The following PRKAR1B variants were observed in gnomAD, a reference collection of about 807,000 sequenced individuals.
The protein encoded by PRKAR1B is cAMP-dependent protein kinase type I-beta regulatory subunit.
In PRKAR1B, 22 loss-of-function variants were observed where a neutral mutation model predicts 46.5. The ratio of observed to expected loss-of-function variants is 0.47; its 90% CI spans 0.34 to 0.68. The LOEUF (loss-of-function observed/expected upper bound fraction) is 0.68, where lower values mean the gene tolerates loss of function less well. PRKAR1B is among the 30% of genes least tolerant of loss of function. The probability of loss-of-function intolerance (pLI) is 0.01; values close to 1 mark genes in which losing one functional copy is unlikely to be tolerated. For missense variants in PRKAR1B, 445 were observed against 535.6 expected, an observed-to-expected ratio of 0.83 and a Z score of 1.67; for synonymous variants, 259 against 217.7, an observed-to-expected ratio of 1.19 and a Z score of -1.67.
chr7:607,324 T>A, intron 5 of PRKAR1B, 67 bp downstream of exon 5: 1 of 1,492,236 alleles, frequency 6.7e-7, no homozygotes, highest in African/African-American at 1.4e-5. Flanking sequence ...TTATGCTATT[T>A]TTTTTTTAAG....
At chr7:728,383 G>A (rs1305780859), upstream of PRKAR1B, among the ~76,000 whole-genome samples, 4 of 152,318 alleles carry the variant, frequency 2.6e-5, no homozygotes, top group East Asian at 7.7e-4. Context: ...GGAAGTGCAG[G>A]GGGTGTCAAT....
intron 2 of PRKAR1B, among the ~76,000 whole-genome samples, chr7:698,523 CAT>C (rs994153959): frequency 6.6e-5 from 10 of 151,924 alleles, no homozygotes; most frequent in African/African-American, 2.2e-4. Context: ...AGCATGTGCA[CAT>C]ATGTGTGAAC....
intron 2 of PRKAR1B, among the ~76,000 whole-genome samples, chr7:702,375 T>C (rs1285370977): frequency 6.6e-6 from 1 of 152,164 alleles, no homozygotes; most frequent in African/African-American, 2.4e-5. Flanking sequence ...TATCAATAAT[T>C]ACATTAAATG....
At chr7:638,933 C>A (rs1784258326) in intron 4 of PRKAR1B, among the ~76,000 whole-genome samples, 1 of 151,782 alleles carries the variant, frequency 6.6e-6, no homozygotes, top group African/African-American at 2.4e-5. Flanking sequence ...CAAAAATTAT[C>A]CAGATGTGGT....
At chr7:628,435 G>A (rs1161864164) in intron 4 of PRKAR1B, among the ~76,000 whole-genome samples, 1 of 152,266 alleles carries the variant, frequency 6.6e-6, no homozygotes, top group African/African-American at 2.4e-5. Context: ...CTGGGATGCA[G>A]GATCTTTCTT....
intron 4 of PRKAR1B, among the ~76,000 whole-genome samples, chr7:659,503 T>G (rs1218435981): frequency 2.6e-5 from 4 of 152,134 alleles, no homozygotes; most frequent in African/African-American, 9.7e-5. Flanking sequence ...AGCCGGAATA[T>G]TCTGCGCATG....
At position 551,484 on chromosome 7, in the gene PRKAR1B, T is replaced by C; in HGVS notation, c.892-14A>G. 6.4e-7 allele frequency: 1 copy of C among 1,551,102 alleles called. No individual in the cohort carries two copies. Among genetic ancestry groups the C allele is most frequent in the Non-Finnish European group, 8.7e-7 (1 of 1,147,450 alleles). ...GGACGCGGTGCCCTGTGGGTGGAGG[T>C]GGACAGACGTGAGTGCCAGCCAGGC... is the stretch of plus-strand genomic sequence containing the variant. On this transcript the variant is annotated splice_polypyrimidine_tract_variant and intron_variant, in intron 9 of 10. Transcript: ENST00000537384.
chr7:630,718 C>A (rs1227640264), intron 4 of PRKAR1B, among the ~76,000 whole-genome samples: 3 of 152,128 alleles, frequency 2.0e-5, no homozygotes, highest in Admixed American at 1.3e-4. Context: ...ATCACCAAAG[C>A]TGGAGGCTCC....
chr7:618,427 A>G (rs535157517), intron 4 of PRKAR1B, among the ~76,000 whole-genome samples: 11 of 152,306 alleles, frequency 7.2e-5, no homozygotes, highest in African/African-American at 2.6e-4. Context: ...CAATTGCTAT[A>G]AGATACTTGA....
chr7:727,526 C>G (rs1781386261), upstream of PRKAR1B: 3 of 298,694 alleles, frequency 1.0e-5, no homozygotes, highest in Admixed American at 5.4e-5. Flanking sequence ...CACTGCTTCC[C>G]CTGCCTCACG....
chr7:684,576 C>T (rs1778899045), intron 2 of PRKAR1B, among the ~76,000 whole-genome samples: 1 of 152,084 alleles, frequency 6.6e-6, no homozygotes, highest in Admixed American at 6.6e-5. Context: ...CCCGGATCCA[C>T]GGAGGGAACG....
intron 9 of PRKAR1B, among the ~76,000 whole-genome samples, chr7:563,464 C>A (rs2128427555): frequency 6.6e-6 from 1 of 152,380 alleles, no homozygotes; most frequent in South Asian, 2.1e-4. Context: ...CTTGGGTGGG[C>A]CAAGACCCAC....
intron 4 of PRKAR1B, among the ~76,000 whole-genome samples, chr7:645,444 G>T (rs1231580381): frequency 6.6e-6 from 1 of 152,018 alleles, no homozygotes; most frequent in East Asian, 1.9e-4. Flanking sequence ...TGAGCCCAGG[G>T]GTTCAAGACC....
intron 4 of PRKAR1B, among the ~76,000 whole-genome samples, chr7:672,108 T>C (rs187753501): frequency 2.6e-5 from 4 of 152,212 alleles, no homozygotes; most frequent in African/African-American, 7.2e-5. Flanking sequence ...TGGCACACAA[T>C]GAATCCTCTG....
At chr7:621,678 C>T (rs1783113665) in intron 4 of PRKAR1B, among the ~76,000 whole-genome samples, 1 of 152,238 alleles carries the variant, frequency 6.6e-6, no homozygotes, top group Admixed American at 6.5e-5. Context: ...GGGGTCATCC[C>T]CATGACAGAT....
In PRKAR1B at chr7:590,811, AC is replaced by A. The variant is rs202022061; in HGVS notation, c.708+5334del. Reference sequence around the variant, plus strand: ...AAGACGGTGCAGACGGCACTTCTCCACCCGCTGCGGGTGCCTGAACGAACCG... The same window carrying A: ...AAGACGGTGCAGACGGCACTTCTCCACCGCTGCGGGTGCCTGAACGAACCG... On this transcript the variant is annotated intron_variant, in intron 7 of 10. Coordinates refer to ENST00000537384, the MANE Select transcript of PRKAR1B (RefSeq NM_001164760.2). 1.7e-3 allele frequency among the ~76,000 whole-genome samples: 255 copies of A among 152,104 alleles called. 3 individuals carry two copies. Among genetic ancestry groups the A allele is most frequent in the African/African-American group, 5.8e-3 (241 of 41,518 alleles).
At chr7:578,005 G>A (rs182994784) in intron 9 of PRKAR1B, among the ~76,000 whole-genome samples, 91 of 152,320 alleles carry the variant, frequency 6.0e-4, no homozygotes, top group Admixed American at 1.6e-3. Context: ...GTAATTTTCC[G>A]GGTCATCAGA....
At chr7:634,384 G>A (rs918401928) in intron 4 of PRKAR1B, among the ~76,000 whole-genome samples, 3 of 152,086 alleles carry the variant, frequency 2.0e-5, no homozygotes, top group Non-Finnish European at 2.9e-5. Context: ...AGGCTAAGGC[G>A]GGAGGATCAC....
intron 2 of PRKAR1B, among the ~76,000 whole-genome samples, chr7:705,792 C>A (rs1780291723): frequency 2.0e-5 from 3 of 152,152 alleles, no homozygotes; most frequent in Middle Eastern, 6.8e-3. Flanking sequence ...ACTGGGAGGC[C>A]GAGGCAGGTG....
Sources: allele counts gnomAD v4.1 joint callset (sites outside exome capture counted in the v4.1 genomes callset), GRCh38; gene constraint gnomAD v4.1.1; transcripts MANE v1.5; gene names NCBI Gene and HGNC (gene_info 2026-07-23, HGNC 2026-07-21).